SYNE2: variants seen among roughly 807,000 people sequenced by gnomAD.
The protein encoded by SYNE2 is spectrin repeat containing nuclear envelope protein 2, also known as nesprin-2.
In SYNE2, 431 loss-of-function variants were observed where a neutral mutation model predicts 856.3. The observed-to-expected ratio is 0.50, with a 90% CI of 0.47 to 0.55. The LOEUF (loss-of-function observed/expected upper bound fraction) is 0.55. Among genes scored for constraint, SYNE2 ranks in the 20% least tolerant of loss-of-function variants. The pLI is 0.00. For missense variants in SYNE2, 8,129 were observed against 8,023.2 expected, an observed-to-expected ratio of 1.01 and a Z score of -0.50; for synonymous variants, 2,923 against 2,872.3, an observed-to-expected ratio of 1.02 and a Z score of -0.56.
At position 63,763,834 on chromosome 14, in the gene SYNE2, T is replaced by C. The variant is rs145983404; in HGVS notation, c.-305+1848T>C. On this transcript the variant is annotated intron_variant, in intron 1 of 23. Transcript: ENST00000674003. ...AGCGCATGCCCTCATGCCCAGCTAA[T>C]TTATTTTTTATTTTTTGTAGAGATG... Among the ~76,000 whole-genome samples the C allele has an allele frequency of 5.2e-3, 795 of 152,212 alleles. 5 individuals carry two copies. Among genetic ancestry groups the C allele is most frequent in the African/African-American group, 0.018 (733 of 41,530 alleles).
At chr14:64,005,193 G>A (rs1252436426) in intron 30 of SYNE2, among the ~76,000 whole-genome samples, 2 of 152,216 alleles carry the variant, frequency 1.3e-5, no homozygotes, top group African/African-American at 4.8e-5. Context: ...AGTCATTGCA[G>A]GGTTCTAAGC....
intron 1 of SYNE2, among the ~76,000 whole-genome samples, chr14:63,891,410 G>T (rs989655007): frequency 2.0e-5 from 3 of 152,112 alleles, no homozygotes; most frequent in African/African-American, 4.8e-5. Context: ...GATATACAGG[G>T]GTTGTTAGTA....
At chr14:64,010,370 G>C (rs75416412) in intron 32 of SYNE2, among the ~76,000 whole-genome samples, 1,545 of 152,254 alleles carry the variant, frequency 0.01, 21 homozygotes, top group African/African-American at 0.035. Context: ...CACCCCTGCT[G>C]CCACCTCTGT....
chr14:63,964,012 T>G lies in SYNE2; in HGVS notation c.990+12T>G, dbSNP rs775463750. 2.1e-6 allele frequency: 3 copies of G among 1,462,592 alleles called. No homozygotes were observed. The highest frequency in any genetic ancestry group is 1.4e-5 in the African/African-American group (1 of 71,482). 90.6% of individuals were successfully genotyped at this position (1,462,592 alleles called of 1,614,324 possible). A position where few individuals can be genotyped will look rare whatever the true frequency, so the allele number is the denominator to read the frequency against. On this transcript the variant is annotated intron_variant, in intron 10 of 115. Coordinates refer to ENST00000555002, the MANE Select transcript of SYNE2 (RefSeq NM_182914.3). Reference sequence around the variant, plus strand: ...TTAAAAAGTATAATGTAAGTATGATTTTAAACAGCTGTTTGTAATTTACCT... The same window carrying G: ...TTAAAAAGTATAATGTAAGTATGATGTTAAACAGCTGTTTGTAATTTACCT...
chr14:63,874,816 TAATTATTCTGA>T (rs1222541279), intron 1 of SYNE2, among the ~76,000 whole-genome samples: 1 of 152,236 alleles, frequency 6.6e-6, no homozygotes, highest in Non-Finnish European at 1.5e-5. Flanking sequence ...AATATTACTA[TAATTATTCTGA>T]AATTCTCTTT....
At chr14:63,771,795 G>T (rs1229026279) in intron 1 of SYNE2, among the ~76,000 whole-genome samples, 1 of 152,158 alleles carries the variant, frequency 6.6e-6, no homozygotes, top group African/African-American at 2.4e-5. Context: ...TATTCAGGGG[G>T]CTGAGGCATG....
intron 41 of SYNE2, among the ~76,000 whole-genome samples, chr14:64,026,350 A>G (rs2096978406): frequency 6.6e-6 from 1 of 152,214 alleles, no homozygotes; most frequent in South Asian, 2.1e-4. Context: ...TTGAAAATCT[A>G]GAGAAGAGCA....
intron 1 of SYNE2, among the ~76,000 whole-genome samples, chr14:63,853,463 C>G (rs1050777791): frequency 1.3e-5 from 2 of 151,674 alleles, no homozygotes; most frequent in African/African-American, 4.8e-5. Flanking sequence ...CCGGTCCGCC[C>G]GGCTCGGGCA....
chr14:64,142,008 G>A lies in SYNE2; in HGVS notation c.15226G>A (p.Glu5076Lys). Residue 5076 changes from glutamate to lysine, a missense_variant, in exon 82 of 116, where the codon GAG (glutamate) becomes AAG (lysine). Coordinates refer to ENST00000555002, the MANE Select transcript of SYNE2 (RefSeq NM_182914.3). ...AATGATTAGCTGGATGAACAATGTG[G>A]AGCATCAAACTTCAGATGAAGACTC... The part of the protein sequence containing the change: ...TEMISWMNNV[E>K]HQTSDEDSVH... The A allele has an allele frequency of 6.2e-7, 1 of 1,614,080 alleles. No homozygotes were observed. Among genetic ancestry groups the A allele is most frequent in the Non-Finnish European group, 8.5e-7 (1 of 1,179,994 alleles).
intron 45 of SYNE2, among the ~76,000 whole-genome samples, chr14:64,038,940 T>G (rs1388587168): frequency 5.3e-5 from 8 of 152,018 alleles, no homozygotes; most frequent in African/African-American, 1.9e-4. Flanking sequence ...AGAAGCTGAC[T>G]GGGGCACGGT....
intron 48 of SYNE2, among the ~76,000 whole-genome samples, chr14:64,054,563 C>T (rs1475365716): frequency 1.3e-5 from 2 of 152,192 alleles, no homozygotes; most frequent in African/African-American, 2.4e-5. Flanking sequence ...CCCGCAGTGC[C>T]TGTTTTTTAT....
chr14:64,225,070 A>AGT, intron 115 of SYNE2, 25 bp downstream of exon 115: 1 of 1,613,360 alleles, frequency 6.2e-7, no homozygotes, highest in Non-Finnish European at 8.5e-7. Context: ...CCGTGACAGC[A>AGT]GTGCGTTCCC....
At chr14:64,144,504 T>C (rs948224329) in intron 83 of SYNE2, among the ~76,000 whole-genome samples, 2 of 152,126 alleles carry the variant, frequency 1.3e-5, no homozygotes. Context: ...ACAAAGGACA[T>C]GAACAGACAA....
chr14:64,152,203 A>G (rs951080468), intron 84 of SYNE2, among the ~76,000 whole-genome samples: 12 of 152,222 alleles, frequency 7.9e-5, no homozygotes, highest in African/African-American at 2.4e-4. Flanking sequence ...CTTGGCACAC[A>G]TGCTGTGGGT....
chr14:63,965,473 G>A lies in SYNE2; in HGVS notation c.990+1473G>A, dbSNP rs142397580. Among the ~76,000 whole-genome samples the A allele has an allele frequency of 6.9e-3, 1,053 of 152,284 alleles. 4 individuals are homozygous for A. Among genetic ancestry groups the A allele is most frequent in the Middle Eastern group, 0.017 (5 of 294 alleles). ...GTTTTTACGTTGTGATGCTTCTCTGGGGTAAGTAGTTATTCCCTGTACAGT... is the reference window on the plus strand; with the variant it reads ...GTTTTTACGTTGTGATGCTTCTCTGAGGTAAGTAGTTATTCCCTGTACAGT... On this transcript the variant is annotated intron_variant, in intron 10 of 115. Transcript: ENST00000555002.
Position 64,186,597 on chromosome 14 carries a change from A to G in SYNE2, c.17712+18A>G, listed in dbSNP as rs2139503897. 7 of 1,614,110 alleles carry G rather than the reference A, an allele frequency of 4.3e-6. No individual in the cohort carries two copies. The highest frequency in any genetic ancestry group is 5.9e-6 in the Non-Finnish European group (7 of 1,180,002). On this transcript the variant is annotated intron_variant, in intron 97 of 115. Transcript: ENST00000555002. The stretch of plus-strand genomic sequence containing the variant: ...GCTTAAGGGTAAGTCAGCTCACTGC[A>G]GGGCACGGCTGTTTGGGAGTGGATT...
intron 84 of SYNE2, 128 bp downstream of exon 84, chr14:64,146,351 C>A: frequency 1.1e-6 from 1 of 874,220 alleles, no homozygotes; most frequent in Non-Finnish European, 1.6e-6. Flanking sequence ...TACTTATTTT[C>A]TTATGTCAAT....
chr14:64,163,344 T>C, intron 88 of SYNE2, 58 bp from the exon 89 acceptor site: 3 of 1,589,708 alleles, frequency 1.9e-6, no homozygotes, highest in Non-Finnish European at 2.6e-6. Flanking sequence ...CAGCAGCGGG[T>C]AGGGAATTGT....
intron 1 of SYNE2, among the ~76,000 whole-genome samples, chr14:63,842,112 G>T (rs1355349531): frequency 2.1e-5 from 3 of 145,288 alleles, no homozygotes; most frequent in Non-Finnish European, 4.5e-5. Flanking sequence ...GGGATTACAG[G>T]CGTAAGCACC....
Sources: gnomAD v4.1 joint callset for allele counts (sites outside exome capture counted in the v4.1 genomes callset) on GRCh38, gnomAD v4.1.1 for gene constraint, MANE v1.5 for transcripts, NCBI Gene and HGNC (gene_info 2026-07-23, HGNC 2026-07-21) for gene names.